The following PTPN13 variants were observed in gnomAD, a reference collection of about 807,000 sequenced individuals.
The protein encoded by PTPN13 is tyrosine-protein phosphatase non-receptor type 13.
In PTPN13, 191 loss-of-function variants were observed where a neutral mutation model predicts 284.0. The observed-to-expected ratio is 0.67, with a 90% confidence interval of 0.60 to 0.76. The LOEUF is 0.76. Among genes scored for constraint, PTPN13 ranks in the 30% least tolerant of loss-of-function variants. The probability of loss-of-function intolerance (pLI) is 0.00; values close to 1 mark genes in which losing one functional copy is unlikely to be tolerated. For missense variants in PTPN13, 2,797 were observed against 2,939.9 expected (o/e 0.95, Z 1.12); for synonymous variants, 986 against 1,022.3 (o/e 0.96, Z 0.68).
At chr4:86,609,277 AG>A (rs1765059280) in intron 1 of PTPN13, among the ~76,000 whole-genome samples, 1 of 152,220 alleles carries the variant, frequency 6.6e-6, no homozygotes. Context: ...TCCTCTGAAG[AG>A]GATGAGTTAT....
At chr4:86,685,157 T>A (rs1729309477) in intron 3 of PTPN13, among the ~76,000 whole-genome samples, 2 of 152,206 alleles carry the variant, frequency 1.3e-5, no homozygotes, top group South Asian at 4.1e-4. Flanking sequence ...TCTGTCAGCA[T>A]AAAAATATGT....
chr4:86,642,732 G>A (rs149069605), intron 2 of PTPN13, among the ~76,000 whole-genome samples: 7,083 of 152,038 alleles, frequency 0.047, 222 homozygotes, highest in African/African-American at 0.061. Flanking sequence ...TGGAATTACA[G>A]GCGTGAGCCA....
chr4:86,647,893 C>T (rs545576781), intron 2 of PTPN13, among the ~76,000 whole-genome samples: 73 of 152,158 alleles, frequency 4.8e-4, no homozygotes, highest in South Asian at 1.2e-3. Context: ...TGCACTTTTA[C>T]AAAAGTACAG....
intron 24 of PTPN13, 110 bp from the exon 25 acceptor site, chr4:86,764,483 C>A: frequency 1.2e-6 from 1 of 816,826 alleles, no homozygotes; most frequent in Non-Finnish European, 1.8e-6. Context: ...CATTTTGATT[C>A]TAGCCAGCTT....
At chr4:86,613,960 G>C (rs1033163246) in intron 1 of PTPN13, among the ~76,000 whole-genome samples, 7 of 152,108 alleles carry the variant, frequency 4.6e-5, no homozygotes, top group Non-Finnish European at 8.8e-5. Context: ...CAGGGAGTAA[G>C]GGCAGTGGAA....
At chr4:86,812,652 G>C (rs995319414) in intron 47 of PTPN13, among the ~76,000 whole-genome samples, 1 of 152,046 alleles carries the variant, frequency 6.6e-6, no homozygotes, top group Non-Finnish European at 1.5e-5. Context: ...TTCAGGCAGA[G>C]GGACCACCTG....
intron 2 of PTPN13, among the ~76,000 whole-genome samples, chr4:86,641,535 C>T (rs1242898911): frequency 1.3e-5 from 2 of 152,182 alleles, no homozygotes; most frequent in East Asian, 3.9e-4. Flanking sequence ...TTTTTAAAAG[C>T]AAAATTGCTA....
In PTPN13 at chr4:86,766,445, A is replaced by T. The variant is rs142357672; in HGVS notation, c.4257A>T (p.Leu1419=). Residue 1419 remains leucine (L), a synonymous_variant, in exon 27 of 48, where the codon CTA becomes CTT. Coordinates refer to ENST00000411767, the MANE Select transcript of PTPN13 (RefSeq NM_080683.3). ...CCTAATTTTTAGGTGATCGCGTCCT[A>T]GCTGTCAATGGAGTTAGTCTAGAAG... The part of the protein sequence containing the change: ...DGRIHKGDRV[L]AVNGVSLEGA... 6.2e-7 allele frequency: 1 copy of T among 1,608,084 alleles called. No homozygotes were observed. The highest frequency in any genetic ancestry group is 8.5e-7 in the Non-Finnish European group (1 of 1,178,372).
Position 86,814,875 on chromosome 4 carries a change from T to A in PTPN13, c.*324T>A, listed in dbSNP as rs906746073. 38 of 195,484 alleles carry A rather than the reference T, an allele frequency of 1.9e-4. No homozygotes were observed. Among genetic ancestry groups the A allele is most frequent in the Non-Finnish European group, 3.5e-4 (34 of 96,460 alleles). The allele number at this position is 195,484 out of a possible 1,614,324, so 12.1% of individuals were successfully genotyped here. A position where few individuals can be genotyped will look rare whatever the true frequency, so the allele number is the denominator to read the frequency against. On this transcript the variant is annotated 3_prime_UTR_variant, in exon 48 of 48. Coordinates refer to ENST00000411767, the MANE Select transcript of PTPN13 (RefSeq NM_080683.3). The stretch of plus-strand genomic sequence containing the variant: ...CTATTTTTAATGCACCAATCTTGTT[T>A]ATAGCAAAAATGTTTTCCAATATTT...
chr4:86,727,540 G>T (rs1734420595), intron 10 of PTPN13, among the ~76,000 whole-genome samples: 1 of 149,246 alleles, frequency 6.7e-6, no homozygotes, highest in Non-Finnish European at 1.5e-5. Context: ...GTTTAGTCTT[G>T]GGAGGGTGTA....
intron 2 of PTPN13, among the ~76,000 whole-genome samples, chr4:86,659,669 A>G (rs1726249130): frequency 6.6e-6 from 1 of 152,076 alleles, no homozygotes; most frequent in Admixed American, 6.6e-5. Flanking sequence ...TACAAAAATT[A>G]GCTGGGCATG....
In PTPN13 at chr4:86,763,079, C is replaced by A. The variant is rs1738888074; in HGVS notation, c.3906C>A (p.Ser1302Arg). Residue 1302 changes from serine (S) to arginine (R), a missense_variant, in exon 24 of 48, where the codon AGC (serine) becomes AGA (arginine). Physicochemically the swap from Ser to Arg is moderately radical, Grantham distance 110 (BLOSUM62 -1). Coordinates refer to ENST00000411767, the MANE Select transcript of PTPN13 (RefSeq NM_080683.3). ...AGACTTTCACTGATAGTAACCAAAG[C>A]AAAACTAAAAAGCCAGGCATTTCTG... ...EKETFTDSNQ[S>R]KTKKPGISDV... is the part of the protein sequence containing the mutation. The A allele has an allele frequency of 6.2e-7, 1 of 1,613,570 alleles. No homozygotes were observed. Among genetic ancestry groups the A allele is most frequent in the African/African-American group, 1.3e-5 (1 of 74,810 alleles).
chr4:86,683,206 T>A (rs1417394422), intron 3 of PTPN13, among the ~76,000 whole-genome samples: 1 of 151,676 alleles, frequency 6.6e-6, no homozygotes, highest in East Asian at 1.9e-4. Context: ...TTATAAAGGG[T>A]TGGCTCGTGC....
intron 5 of PTPN13, chr4:86,689,713 C>T (rs1729827933): frequency 2.8e-6 from 2 of 702,288 alleles, no homozygotes; most frequent in African/African-American, 1.7e-5. Flanking sequence ...GCCAGATTTC[C>T]CCAAGACCTG....
At chr4:86,694,475 G>C (rs188585367) in intron 6 of PTPN13, among the ~76,000 whole-genome samples, 223 of 150,634 alleles carry the variant, frequency 1.5e-3, no homozygotes, top group Non-Finnish European at 2.8e-3. Flanking sequence ...AGCTACTCGG[G>C]AGGCTGAGAC....
chr4:86,634,478 G>T (rs1722795226), intron 1 of PTPN13, among the ~76,000 whole-genome samples: 1 of 152,188 alleles, frequency 6.6e-6, no homozygotes, highest in East Asian at 1.9e-4. Flanking sequence ...TGGAAAAATT[G>T]ACCTGACAAA....
intron 40 of PTPN13, among the ~76,000 whole-genome samples, chr4:86,791,606 G>A (rs1218566681): frequency 4.6e-5 from 7 of 152,158 alleles, no homozygotes; most frequent in Admixed American, 1.3e-4. Flanking sequence ...AGGAGGGGCC[G>A]ACAGACACCT....
chr4:86,657,749 C>G (rs1726021488), intron 2 of PTPN13, among the ~76,000 whole-genome samples: 1 of 152,148 alleles, frequency 6.6e-6, no homozygotes, highest in African/African-American at 2.4e-5. Context: ...TTTCTTCTGG[C>G]CCAGAATGGG....
intron 2 of PTPN13, among the ~76,000 whole-genome samples, chr4:86,669,805 C>T (rs911438164): frequency 9.2e-5 from 14 of 151,932 alleles, no homozygotes; most frequent in East Asian, 3.9e-4. Context: ...AGCTGTGATC[C>T]GCAATCATTT....
Sources: allele counts gnomAD v4.1 joint callset (sites outside exome capture counted in the v4.1 genomes callset), GRCh38; gene constraint gnomAD v4.1.1; transcripts MANE v1.5; gene names NCBI Gene and HGNC (gene_info 2026-07-23, HGNC 2026-07-21).